AARS1: variants seen among roughly 807,000 people sequenced by gnomAD.
AARS1 encodes the protein alanyl-tRNA synthetase 1.
Under a neutral mutation model 108.9 loss-of-function variants are expected in AARS1, and 72 were observed. The observed-to-expected ratio is 0.66, with a 90% confidence interval of 0.55 to 0.80. AARS1 has a LOEUF of 0.80. Ranked by LOEUF, AARS1 falls within the 30% of genes least tolerant of loss-of-function variation. The pLI, the probability that AARS1 is intolerant of heterozygous loss-of-function variation, is 0.00. For synonymous variants in AARS1, 489 were observed against 465.7 expected (o/e 1.05, Z -0.64); for missense variants, 1,193 against 1,233.2 (o/e 0.97, Z 0.49).
intron 14 of AARS1, 55 bp downstream of exon 14, chr16:70,258,925 T>A: frequency 6.4e-7 from 1 of 1,556,360 alleles, no homozygotes; most frequent in Admixed American, 1.7e-5. Flanking sequence ...GCTAAGACTG[T>A]GGACAGACAG....
chr16:70,282,715 A>T lies in AARS1; in HGVS notation c.49T>A (p.Phe17Ile). 3 of 1,614,186 alleles carry T rather than the reference A, an allele frequency of 1.9e-6. No individual in the cohort carries two copies. The highest frequency in any genetic ancestry group is 2.5e-6 in the Non-Finnish European group (3 of 1,180,044). ...ASEIRQRFID[F>I]FKRNEHTYVH... ...TACGTATGCTCGTTCCTCTTGAAGA[A>T]ATCTATAAATCGCTGCCGGATTTCA... is the stretch of plus-strand genomic sequence containing the variant. Residue 17 changes from phenylalanine (F) to isoleucine (I), a missense_variant, in exon 2 of 21, where the codon TTC (phenylalanine) becomes ATC (isoleucine). Transcript: ENST00000261772.
intron 20 of AARS1, 96 bp downstream of exon 20, chr16:70,253,172 G>T: frequency 9.1e-7 from 1 of 1,093,628 alleles, no homozygotes; most frequent in Non-Finnish European, 1.4e-6. Context: ...CAACCGGTGG[G>T]CAGAAAGGCT....
chr16:70,263,763 A>G (rs1960200540), intron 11 of AARS1, among the ~76,000 whole-genome samples: 1 of 151,838 alleles, frequency 6.6e-6, no homozygotes, highest in Non-Finnish European at 1.5e-5. Context: ...CAGCCCCACA[A>G]ATAGCTGGGA....
rs542775001 is a variant in AARS1, at chr16:70,278,317, G to A, written c.145-1163C>T. Among the ~76,000 whole-genome samples the A allele has an allele frequency of 9.2e-5, 14 of 151,870 alleles. No individual in the cohort carries two copies. In the South Asian group the frequency reaches 1.7e-3, roughly 18 times the overall value. ...CAGTGGCTCATGCCTGTAATCCCCA[G>A]CACTTCAGGAGGCTGAGGTGGGCGG... On this transcript the variant is annotated intron_variant, in intron 2 of 20. Coordinates refer to ENST00000261772, the MANE Select transcript of AARS1 (RefSeq NM_001605.3).
intron 4 of AARS1, among the ~76,000 whole-genome samples, chr16:70,273,835 C>G (rs1960469064): frequency 8.1e-6 from 1 of 123,102 alleles, no homozygotes; most frequent in Non-Finnish European, 1.6e-5. Flanking sequence ...TGCACTCCAG[C>G]ATGGGCGACA....
chr16:70,268,089 A>G (rs1960308292), intron 8 of AARS1, among the ~76,000 whole-genome samples, 182 bp downstream of exon 8: 1 of 152,130 alleles, frequency 6.6e-6, no homozygotes, highest in Non-Finnish European at 1.5e-5. Context: ...AATCGCTTGA[A>G]CCCAGGAGAC....
intron 2 of AARS1, among the ~76,000 whole-genome samples, chr16:70,278,764 C>G (rs140051419): frequency 1.3e-5 from 2 of 151,872 alleles, no homozygotes; most frequent in East Asian, 3.9e-4. Flanking sequence ...TCTGTATCTT[C>G]GGCACCTAGC....
intron 14 of AARS1, among the ~76,000 whole-genome samples, chr16:70,258,543 A>T (rs945767427): frequency 3.9e-5 from 6 of 152,128 alleles, no homozygotes; most frequent in African/African-American, 1.4e-4. Flanking sequence ...GCAAAAGCAC[A>T]GATGGAGAAT....
At chr16:70,273,022 C>G (rs933190233) in intron 4 of AARS1, among the ~76,000 whole-genome samples, 1 of 151,912 alleles carries the variant, frequency 6.6e-6, no homozygotes, top group Non-Finnish European at 1.5e-5. Context: ...AAACCAGCGT[C>G]AAGATTAATA....
intron 2 of AARS1, among the ~76,000 whole-genome samples, chr16:70,277,357 G>C (rs557111685): frequency 6.6e-6 from 1 of 152,238 alleles, no homozygotes; most frequent in Non-Finnish European, 1.5e-5. Flanking sequence ...CTTGAACCTA[G>C]CTCCCTAACA....
chr16:70,262,371 A>C lies in AARS1; in HGVS notation c.1646T>G (p.Val549Gly). Residue 549 changes from valine (V) to glycine (G), a missense_variant, in exon 12 of 21, where the codon GTG becomes GGG. Coordinates refer to ENST00000261772, the MANE Select transcript of AARS1 (RefSeq NM_001605.3). ...ATCTTCACTGCTGTCATCCACCTTC[A>C]CCAGGTAGCCTTCGTCATAGATCTG... is the stretch of plus-strand genomic sequence containing the variant. ...GGQIYDEGYL[V>G]KVDDSSEDKT... is the part of the protein sequence containing the mutation. 6.2e-7 allele frequency: 1 copy of C among 1,614,204 alleles called. No homozygotes were observed. The highest frequency in any genetic ancestry group is 8.5e-7 in the Non-Finnish European group (1 of 1,180,026).
intron 11 of AARS1, among the ~76,000 whole-genome samples, chr16:70,263,007 A>G (rs545468750): frequency 2.7e-5 from 4 of 146,538 alleles, no homozygotes; most frequent in African/African-American, 7.5e-5. Flanking sequence ...AACAACAACA[A>G]CAAAGGGCTT....
At chr16:70,270,823 G>A (rs1397151428) in intron 5 of AARS1, among the ~76,000 whole-genome samples, 1 of 126,754 alleles carries the variant, frequency 7.9e-6, no homozygotes, top group Non-Finnish European at 1.6e-5. Context: ...GGCAACAAGA[G>A]CAAAACTCCA....
rs754364535 is a variant in AARS1, at chr16:70,262,501, C to T, written c.1516G>A (p.Val506Met). ...SYVFENTVAT[V>M]MALRREKMFV... is the part of the protein sequence containing the mutation. ...ATCTTCTCCCTGCGCAGAGCCATCA[C>T]CGTAGCCACTGTGTTCTCAAATACT... The change falls in exon 12 of 21, where the codon GTG (valine) becomes ATG (methionine). Residue 506 changes from valine to methionine, a missense_variant. Coordinates refer to ENST00000261772, the MANE Select transcript of AARS1 (RefSeq NM_001605.3). 2.5e-6 allele frequency: 4 copies of T among 1,613,634 alleles called. No individual in the cohort carries two copies. The highest frequency in any genetic ancestry group is 3.4e-6 in the Non-Finnish European group (4 of 1,179,560).
chr16:70,273,982 G>A (rs1960476296), intron 4 of AARS1, among the ~76,000 whole-genome samples: 1 of 150,910 alleles, frequency 6.6e-6, no homozygotes, highest in Non-Finnish European at 1.5e-5. Context: ...CTATGATTAT[G>A]CCACTGCACT....
At chr16:70,269,589 A>G in intron 7 of AARS1, 29 bp downstream of exon 7, 1 of 1,612,992 alleles carries the variant, frequency 6.2e-7, no homozygotes, top group East Asian at 2.2e-5. Flanking sequence ...GTGCCGCTCC[A>G]AACACCACCC....
At chr16:70,272,925 A>ACACACACACAC (rs1567608990) in intron 4 of AARS1, among the ~76,000 whole-genome samples, 2 of 71,094 alleles carry the variant, frequency 2.8e-5, no homozygotes, top group African/African-American at 1.9e-4. Flanking sequence ...CACACACACA[A>ACACACACACAC]AAGATTGTGC....
rs760437667 is a variant in AARS1, at chr16:70,253,696, C to T, written c.2607+18G>A. ...AGCTGATGAGCCCTAGGGGAGGGGA[C>T]CCTGGCCCCTGGGTTGCCTTGGCTG... is the stretch of plus-strand genomic sequence containing the variant. On this transcript the variant is annotated intron_variant, in intron 19 of 20. Transcript: ENST00000261772. 6.2e-7 allele frequency: 1 copy of T among 1,612,516 alleles called. No homozygotes were observed. The highest frequency in any genetic ancestry group is 1.7e-5 in the Admixed American group (1 of 60,030).
At chr16:70,281,380 T>C (rs2152169586) in intron 2 of AARS1, among the ~76,000 whole-genome samples, 1 of 152,102 alleles carries the variant, frequency 6.6e-6, no homozygotes, top group South Asian at 2.1e-4. Context: ...AATAAATAAA[T>C]TTAGGCCAGG....
Sources: allele counts gnomAD v4.1 joint callset (sites outside exome capture counted in the v4.1 genomes callset), GRCh38; gene constraint gnomAD v4.1.1; transcripts MANE v1.5; gene names NCBI Gene and HGNC (gene_info 2026-07-23, HGNC 2026-07-21).